The following CTNNBL1 variants were observed in gnomAD, a reference collection of about 807,000 sequenced individuals.
CTNNBL1 encodes the protein beta-catenin-like protein 1.
In CTNNBL1, 31 loss-of-function variants were observed where a neutral mutation model predicts 72.7. The ratio of observed to expected loss-of-function variants is 0.43; its 90% CI spans 0.32 to 0.58. The LOEUF (loss-of-function observed/expected upper bound fraction) is 0.58. Among genes scored for constraint, CTNNBL1 ranks in the 20% least tolerant of loss-of-function variants. The pLI is 0.08. For missense variants in CTNNBL1, 534 were observed against 725.1 expected, an observed-to-expected ratio of 0.74 and a Z score of 3.03; for synonymous variants, 240 against 267.3, an observed-to-expected ratio of 0.90 and a Z score of 1.00.
At chr20:37,803,670 A>G (rs2073841036) in intron 11 of CTNNBL1, among the ~76,000 whole-genome samples, 1 of 152,176 alleles carries the variant, frequency 6.6e-6, no homozygotes, top group African/African-American at 2.4e-5. Context: ...ATTTATGAGC[A>G]TTGACAGTTC....
intron 10 of CTNNBL1, among the ~76,000 whole-genome samples, chr20:37,801,475 C>T (rs1354279822): frequency 6.6e-6 from 1 of 152,130 alleles, no homozygotes; most frequent in African/African-American, 2.4e-5. Context: ...GAAGTATCTG[C>T]AAGAATAGCA....
At chr20:37,820,767 A>G (rs2072100241) in intron 11 of CTNNBL1, among the ~76,000 whole-genome samples, 1 of 152,168 alleles carries the variant, frequency 6.6e-6, no homozygotes, top group Non-Finnish European at 1.5e-5. Context: ...GCCAGGCAGA[A>G]CTGTCCATCA....
At chr20:37,833,682 A>G (rs1473598185) in intron 11 of CTNNBL1, among the ~76,000 whole-genome samples, 4 of 152,164 alleles carry the variant, frequency 2.6e-5, no homozygotes, top group Non-Finnish European at 5.9e-5. Context: ...CTGCATTGAC[A>G]GCTCCATAAC....
At chr20:37,823,247 A>T (rs1021179333) in intron 11 of CTNNBL1, among the ~76,000 whole-genome samples, 5 of 152,220 alleles carry the variant, frequency 3.3e-5, no homozygotes, top group Admixed American at 2.6e-4. Context: ...GGATGGTTTC[A>T]TTTGTTAGTC....
At chr20:37,839,034 C>G (rs920202238) in intron 11 of CTNNBL1, among the ~76,000 whole-genome samples, 2 of 151,878 alleles carry the variant, frequency 1.3e-5, no homozygotes, top group Non-Finnish European at 2.9e-5. Context: ...GTTTTCAAAG[C>G]CATAGGACAA....
intron 3 of CTNNBL1, among the ~76,000 whole-genome samples, chr20:37,743,406 T>TA (rs1462386301): frequency 6.6e-6 from 1 of 151,914 alleles, no homozygotes; most frequent in Admixed American, 6.6e-5. Context: ...TCAAGTGATC[T>TA]AAAAAAATAA....
At chr20:37,735,420 T>C (rs189835121) in intron 2 of CTNNBL1, among the ~76,000 whole-genome samples, 1 of 152,376 alleles carries the variant, frequency 6.6e-6, no homozygotes, top group East Asian at 1.9e-4. Flanking sequence ...TTTGGGATTT[T>C]ATTCTAAGTG....
intron 13 of CTNNBL1, among the ~76,000 whole-genome samples, chr20:37,858,846 G>A (rs2072465276): frequency 6.6e-6 from 1 of 152,102 alleles, no homozygotes; most frequent in South Asian, 2.1e-4. Context: ...TTTGGCCTGG[G>A]GAGTGTTGGA....
chr20:37,765,165 C>T (rs2073454907), intron 5 of CTNNBL1, 32 bp from the exon 6 acceptor site: 2 of 1,451,624 alleles, frequency 1.4e-6, no homozygotes, highest in African/African-American at 1.4e-5. Flanking sequence ...TTTATGACAT[C>T]CCTCTCTCCT....
At position 37,746,610 on chromosome 20, in the gene CTNNBL1, A is replaced by T. The variant is rs1487597094; in HGVS notation, c.466+3A>T. ...CTTGCTCGGACACGATAATACAGATATCCTTTCAGATCTGACCTCAGTAGG... is the reference window on the plus strand; with the variant it reads ...CTTGCTCGGACACGATAATACAGATTTCCTTTCAGATCTGACCTCAGTAGG... On this transcript the variant is annotated splice_donor_region_variant and intron_variant, in intron 4 of 15. Transcript: ENST00000361383. 1 of 1,613,924 alleles carries T rather than the reference A, an allele frequency of 6.2e-7. No homozygotes were observed. The highest frequency in any genetic ancestry group is 1.3e-5 in the African/African-American group (1 of 74,908).
intron 15 of CTNNBL1, among the ~76,000 whole-genome samples, chr20:37,864,794 C>T (rs2072523268): frequency 6.7e-6 from 1 of 150,200 alleles, no homozygotes; most frequent in East Asian, 2.0e-4. Context: ...TCAGTTACTG[C>T]TGACTGGGGT....
chr20:37,781,375 C>G (rs78928740), intron 10 of CTNNBL1, among the ~76,000 whole-genome samples: 1 of 152,152 alleles, frequency 6.6e-6, no homozygotes, highest in East Asian at 1.9e-4. Flanking sequence ...CAGCATATGG[C>G]TAGGTATTGC....
intron 1 of CTNNBL1, among the ~76,000 whole-genome samples, chr20:37,726,026 A>G (rs1464491615): frequency 3.9e-5 from 6 of 152,196 alleles, no homozygotes; most frequent in Non-Finnish European, 8.8e-5. Context: ...ATGTACATGC[A>G]TACATATATG....
chr20:37,760,745 G>A (rs539936806), intron 5 of CTNNBL1, among the ~76,000 whole-genome samples: 1 of 152,320 alleles, frequency 6.6e-6, no homozygotes, highest in Admixed American at 6.5e-5. Flanking sequence ...GTAAACACCT[G>A]ATAAATGTTG....
At chr20:37,841,893 T>A (rs567211533) in intron 12 of CTNNBL1, among the ~76,000 whole-genome samples, 1 of 152,282 alleles carries the variant, frequency 6.6e-6, no homozygotes, top group East Asian at 1.9e-4. Context: ...CAGGCATTTT[T>A]AAAAAAAGAT....
chr20:37,770,402 A>C (rs2073511334), intron 7 of CTNNBL1, among the ~76,000 whole-genome samples: 1 of 152,200 alleles, frequency 6.6e-6, no homozygotes, highest in Non-Finnish European at 1.5e-5. Flanking sequence ...TTGTTGGGGG[A>C]GTAGCCACAC....
At chr20:37,791,802 G>A (rs2073728472) in intron 10 of CTNNBL1, among the ~76,000 whole-genome samples, 1 of 152,156 alleles carries the variant, frequency 6.6e-6, no homozygotes, top group African/African-American at 2.4e-5. Flanking sequence ...CTTATGATCT[G>A]AGATGGAACA....
At chr20:37,742,165 C>T (rs1214840444) in intron 3 of CTNNBL1, among the ~76,000 whole-genome samples, 2 of 152,128 alleles carry the variant, frequency 1.3e-5, no homozygotes, top group Non-Finnish European at 2.9e-5. Context: ...TTGGTTGTTT[C>T]CCTGAATTGG....
chr20:37,790,432 TTC>T (rs2073714014), intron 10 of CTNNBL1, among the ~76,000 whole-genome samples: 1 of 152,226 alleles, frequency 6.6e-6, no homozygotes, highest in Non-Finnish European at 1.5e-5. Flanking sequence ...TCAGCTGTGC[TTC>T]TTGATGGGGC....
Sources: allele counts gnomAD v4.1 joint callset (sites outside exome capture counted in the v4.1 genomes callset), GRCh38; gene constraint gnomAD v4.1.1; transcripts MANE v1.5; gene names NCBI Gene and HGNC (gene_info 2026-07-23, HGNC 2026-07-21).